BHMT2: variants seen among roughly 807,000 people sequenced by gnomAD.
BHMT2 encodes the protein betaine--homocysteine S-methyltransferase 2.
Under a neutral mutation model 39.0 loss-of-function variants are expected in BHMT2, and 28 were observed. The observed-to-expected ratio is 0.72, with a 90% CI of 0.53 to 0.98. The LOEUF is 0.98. Among genes scored for constraint, BHMT2 ranks in the 50% least tolerant of loss-of-function variants. The probability of loss-of-function intolerance (pLI) is 0.00; values close to 1 mark genes in which losing one functional copy is unlikely to be tolerated. For synonymous variants in BHMT2, 145 were observed against 160.6 expected, an observed-to-expected ratio of 0.90 and a Z score of 0.74; for missense variants, 410 against 455.6, an observed-to-expected ratio of 0.90 and a Z score of 0.91.
intron 7 of BHMT2, among the ~76,000 whole-genome samples, chr5:79,084,132 C>T (rs1755847457): frequency 6.6e-6 from 1 of 152,116 alleles, no homozygotes; most frequent in Non-Finnish European, 1.5e-5. Flanking sequence ...TCAGCAGATT[C>T]AATTTCTGGT....
At position 79,069,824 on chromosome 5, in the gene BHMT2, C is replaced by T; in HGVS notation, c.33+9C>T. 7.0e-7 allele frequency: 1 copy of T among 1,426,180 alleles called. No homozygotes were observed. The highest frequency in any genetic ancestry group is 3.0e-5 in the East Asian group (1 of 33,512). 88.3% of individuals were successfully genotyped at this position (1,426,180 alleles called of 1,614,324 possible). On this transcript the variant is annotated intron_variant, in intron 1 of 7. Coordinates refer to ENST00000255192, the MANE Select transcript of BHMT2 (RefSeq NM_017614.5). ...GCCCGGGGGCCAAGAAGGTGAGTTT[C>T]GTCCCCTCGATCCTCGCGGAGCTCC... is the stretch of plus-strand genomic sequence containing the variant.
intron 2 of BHMT2, among the ~76,000 whole-genome samples, chr5:79,078,353 ACT>A (rs1045554958): frequency 6.6e-6 from 1 of 152,142 alleles, no homozygotes; most frequent in African/African-American, 2.4e-5. Context: ...TTCTCTTCTA[ACT>A]CTTTTTTTGT....
intron 7 of BHMT2, among the ~76,000 whole-genome samples, chr5:79,085,979 A>G (rs1755885287): frequency 6.6e-6 from 1 of 152,154 alleles, no homozygotes; most frequent in Non-Finnish European, 1.5e-5. Flanking sequence ...CCCTGATAGG[A>G]AGCCGGCATC....
chr5:79,071,845 A>AT (rs1554039290), intron 1 of BHMT2, among the ~76,000 whole-genome samples: 2,460 of 144,386 alleles, frequency 0.017, 160 homozygotes, highest in African/African-American at 0.038. Context: ...AAAAAAAAAA[A>AT]CTAAAGAAGG....
At chr5:79,088,447 T>C (rs745936914) in intron 7 of BHMT2, 46 bp from the exon 8 acceptor site, 5 of 1,485,350 alleles carry the variant, frequency 3.4e-6, no homozygotes, top group African/African-American at 1.4e-5. Flanking sequence ...ATTGGACTTA[T>C]AGGTAAGACT....
In BHMT2 at chr5:79,083,293, C is replaced by T. The variant is rs777454085; in HGVS notation, c.700C>T (p.His234Tyr). ...EGLEWAGLKA[H>Y]LMVQPLGFHA... ...TCTTGAGTGGGCAGGGCTGAAAGCG[C>T]ACCTCATGGTGCAGCCTCTGGGGTT... The change falls in exon 6 of 8, where the codon CAC (histidine) becomes TAC (tyrosine). Residue 234 changes from histidine to tyrosine, a missense_variant. Transcript: ENST00000255192. 6.2e-7 allele frequency: 1 copy of T among 1,613,952 alleles called. No individual in the cohort carries two copies. Among genetic ancestry groups the T allele is most frequent in the South Asian group, 1.1e-5 (1 of 91,056 alleles).
At chr5:79,083,031 G>C in intron 5 of BHMT2, 75 bp downstream of exon 5, 1 of 1,595,370 alleles carries the variant, frequency 6.3e-7, no homozygotes, top group South Asian at 1.1e-5. Context: ...TTGATATTGT[G>C]AGAGCAGTTT....
intron 7 of BHMT2, among the ~76,000 whole-genome samples, chr5:79,087,095 A>G (rs938695382): frequency 5.4e-5 from 8 of 148,254 alleles, no homozygotes; most frequent in Non-Finnish European, 1.2e-4. Flanking sequence ...ATCTTCTAGA[A>G]CTAGTCACAA....
chr5:79,088,358 C>CTCTG, intron 7 of BHMT2, 135 bp from the exon 8 acceptor site: 1 of 303,466 alleles, frequency 3.3e-6, no homozygotes. Context: ...CAAGTTTTGA[C>CTCTG]TGTGTGTGTG....
rs539902859 is a variant in BHMT2, at chr5:79,086,956, GTCTC to G, written c.1011-1531_1011-1528del. 8.1e-4 allele frequency among the ~76,000 whole-genome samples: 119 copies of G among 146,746 alleles called. 1 individual carries two copies. Among genetic ancestry groups the G allele is most frequent in the African/African-American group, 2.9e-3 (115 of 39,950 alleles). On this transcript the variant is annotated intron_variant, in intron 7 of 7. Coordinates refer to ENST00000255192, the MANE Select transcript of BHMT2 (RefSeq NM_017614.5). Reference sequence around the variant, plus strand: ...TTTCACACACACACACTCATACTCTGTCTCTCTCTATCTTTCCATATAGATAATC... The same window carrying G: ...TTTCACACACACACACTCATACTCTGTCTCTATCTTTCCATATAGATAATC...
At chr5:79,069,968 G>A (rs950909846) in intron 1 of BHMT2, among the ~76,000 whole-genome samples, 153 bp downstream of exon 1, 4 of 152,196 alleles carry the variant, frequency 2.6e-5, no homozygotes, top group African/African-American at 9.6e-5. Flanking sequence ...CCCTGTCACG[G>A]GTTGGTTAGC....
chr5:79,075,718 A>G (rs992595580), intron 1 of BHMT2, among the ~76,000 whole-genome samples: 7 of 152,184 alleles, frequency 4.6e-5, no homozygotes, highest in African/African-American at 1.7e-4. Flanking sequence ...AAGACCAGAA[A>G]GCAGTGAGGG....
At chr5:79,086,049 A>G (rs1177019198) in intron 7 of BHMT2, among the ~76,000 whole-genome samples, 1 of 152,136 alleles carries the variant, frequency 6.6e-6, no homozygotes, top group Non-Finnish European at 1.5e-5. Flanking sequence ...TCCCACTGGA[A>G]ACTTTTGTCT....
chr5:79,084,832 C>T (rs138316638), intron 7 of BHMT2, among the ~76,000 whole-genome samples: 57 of 152,298 alleles, frequency 3.7e-4, no homozygotes, highest in East Asian at 2.5e-3. Context: ...CCCTTTTCCC[C>T]GTTCTCCTTT....
At chr5:79,070,454 T>G (rs1755542624) in intron 1 of BHMT2, among the ~76,000 whole-genome samples, 2 of 152,176 alleles carry the variant, frequency 1.3e-5, no homozygotes, top group Admixed American at 6.5e-5. Flanking sequence ...TCACCAGATG[T>G]TGGCTTTATG....
chr5:79,075,429 T>A (rs937332495), intron 1 of BHMT2, among the ~76,000 whole-genome samples: 2 of 152,146 alleles, frequency 1.3e-5, no homozygotes, highest in African/African-American at 4.8e-5. Flanking sequence ...CTGCTTGATG[T>A]CTCCCTTGGA....
In BHMT2 at chr5:79,077,499, A is replaced by G. The variant is rs1755694074; in HGVS notation, c.53A>G (p.Glu18Gly). The part of the protein sequence containing the change: ...GAKKGILERL[E>G]SGEVVIGDGS... ...CTTCAGGGGATTTTGGAGCGCCTGG[A>G]GAGTGGGGAGGTTGTGATTGGAGAT... is the stretch of plus-strand genomic sequence containing the variant. Residue 18 changes from glutamate to glycine, a missense_variant, in exon 2 of 8, where the codon GAG (glutamate) becomes GGG (glycine). By Grantham distance (98) the Glu-to-Gly change is moderately conservative. Transcript: ENST00000255192. The G allele has an allele frequency of 1.9e-6, 3 of 1,612,280 alleles. No homozygotes were observed. Among genetic ancestry groups the G allele is most frequent in the African/African-American group, 1.3e-5 (1 of 74,388 alleles).
chr5:79,079,336 T>C lies in BHMT2; in HGVS notation c.167-33T>C, dbSNP rs201562760. ...CTTCTGTAATATTTCTTTATTCATT[T>C]ATTTCAATGTTTAAAACCCAACTAC... On this transcript the variant is annotated intron_variant, in intron 2 of 7. Transcript: ENST00000255192. The C allele has an allele frequency of 1.1e-5, 16 of 1,448,344 alleles. No individual in the cohort carries two copies. In the East Asian group the frequency reaches 3.6e-4, roughly 33 times the overall value. 89.7% of individuals were successfully genotyped at this position (1,448,344 alleles called of 1,614,324 possible).
At chr5:79,083,496 C>G in intron 6 of BHMT2, 122 bp downstream of exon 6, 1 of 1,464,140 alleles carries the variant, frequency 6.8e-7, no homozygotes, top group Non-Finnish European at 9.1e-7. Context: ...CAGAGTTAAC[C>G]AAAAATGAGC....
Sources: allele counts gnomAD v4.1 joint callset (sites outside exome capture counted in the v4.1 genomes callset), GRCh38; gene constraint gnomAD v4.1.1; transcripts MANE v1.5; gene names NCBI Gene and HGNC (gene_info 2026-07-23, HGNC 2026-07-21).